Variants in FAM234A observed in about 807,000 individuals in gnomAD.
FAM234A encodes protein FAM234A.
A neutral mutation model predicts 49.1 loss-of-function variants in FAM234A; 42 were observed. The observed-to-expected ratio is 0.86, with a 90% CI of 0.67 to 1.11. The LOEUF is 1.11. FAM234A is among the 50% of genes least tolerant of loss of function. The pLI is 0.00. For synonymous variants in FAM234A, 369 were observed against 316.2 expected (o/e 1.17, Z -1.77); for missense variants, 815 against 745.2 (o/e 1.09, Z -1.09).
Position 263,755 on chromosome 16 carries a change from G to A in FAM234A, c.1168G>A (p.Gly390Arg), listed in dbSNP as rs773934628. ...PDTLAVAVEN[G>R]TGTDRQILFL... ...CACCTTGGCTGTAGCCGTTGAAAAC[G>A]GAACTGGCACCGACAGACAGGTTCG... is the stretch of plus-strand genomic sequence containing the variant. The change falls in exon 10 of 13, where the codon GGA (glycine) becomes AGA (arginine). Residue 390 changes from glycine (G) to arginine (R), a missense_variant. Physicochemically the swap from Gly to Arg is moderately radical, Grantham distance 125. Transcript: ENST00000399932. 9.9e-6 allele frequency: 16 copies of A among 1,613,740 alleles called. No homozygotes were observed. Among genetic ancestry groups the A allele is most frequent in the Middle Eastern group, 1.6e-4 (1 of 6,084 alleles).
At chr16:267,350 TG>T (rs1387280478), downstream of FAM234A, among the ~76,000 whole-genome samples, 1 of 152,102 alleles carries the variant, frequency 6.6e-6, no homozygotes, top group African/African-American at 2.4e-5. Context: ...GTCTGCTGCC[TG>T]GGTCTGAGAG....
chr16:240,463 C>G (rs2050571002), intron 1 of FAM234A, among the ~76,000 whole-genome samples: 1 of 151,354 alleles, frequency 6.6e-6, no homozygotes, highest in East Asian at 1.9e-4. Context: ...GGGGGTCACC[C>G]CAAACTTATT....
At chr16:242,928 C>T (rs1256095875) in intron 1 of FAM234A, among the ~76,000 whole-genome samples, 1 of 151,672 alleles carries the variant, frequency 6.6e-6, no homozygotes, top group Non-Finnish European at 1.5e-5. Flanking sequence ...AGGTCTTTTA[C>T]CTTAATTAAT....
At chr16:255,675 T>A (rs2051203222) in intron 3 of FAM234A, among the ~76,000 whole-genome samples, 1 of 152,150 alleles carries the variant, frequency 6.6e-6, no homozygotes, top group African/African-American at 2.4e-5. Flanking sequence ...AGTCTTTTTA[T>A]TTTTTTAGAC....
At chr16:268,967 G>C (rs779102377), downstream of FAM234A, 1 of 1,546,022 alleles carries the variant, frequency 6.5e-7, no homozygotes, top group Non-Finnish European at 8.7e-7. Flanking sequence ...GACCAGAGAA[G>C]GTGGAGCTCC....
chr16:241,697 C>T (rs1376730400), intron 1 of FAM234A, among the ~76,000 whole-genome samples: 2 of 151,994 alleles, frequency 1.3e-5, no homozygotes, highest in Non-Finnish European at 2.9e-5. Context: ...GCGGGCGGAT[C>T]ACGAGGTCAG....
chr16:246,674 C>G (rs1483290804), intron 1 of FAM234A, among the ~76,000 whole-genome samples: 2 of 151,184 alleles, frequency 1.3e-5, no homozygotes, highest in African/African-American at 2.4e-5. Context: ...CCGCTTTGGC[C>G]TCCTAAAGTG....
intron 1 of FAM234A, chr16:240,199 A>G (rs2050561431): frequency 1.3e-5 from 2 of 152,092 alleles, no homozygotes; most frequent in African/African-American, 4.8e-5. Context: ...TTTGGGGACA[A>G]GCATTTGGGC....
intron 1 of FAM234A, among the ~76,000 whole-genome samples, chr16:238,801 C>G (rs2142202636): frequency 7.1e-6 from 1 of 141,378 alleles, no homozygotes; most frequent in South Asian, 2.3e-4. Context: ...AAAAAAATCC[C>G]TGGCTGGGCG....
chr16:252,245 G>A (rs1258079713), intron 2 of FAM234A, among the ~76,000 whole-genome samples: 26 of 146,284 alleles, frequency 1.8e-4, no homozygotes, highest in African/African-American at 4.3e-4. Context: ...GCAGTGGCGC[G>A]ATCTTGGCTC....
chr16:245,043 G>A (rs147855993), intron 1 of FAM234A, among the ~76,000 whole-genome samples: 3 of 151,738 alleles, frequency 2.0e-5, no homozygotes, highest in Admixed American at 2.0e-4. Flanking sequence ...ACCTGTTATC[G>A]TATATTCTCA....
At position 264,239 on chromosome 16, in the gene FAM234A, C is replaced by T. The variant is rs913235487; in HGVS notation, c.1344+68C>T. 2.8e-5 allele frequency: 41 copies of T among 1,461,758 alleles called. No individual in the cohort carries two copies. In the African/African-American group the frequency reaches 4.3e-4, roughly 15 times the overall value. The allele number at this position is 1,461,758 out of a possible 1,614,324, so 90.5% of individuals were successfully genotyped here. On this transcript the variant is annotated intron_variant, in intron 11 of 12. Coordinates refer to ENST00000399932, the MANE Select transcript of FAM234A (RefSeq NM_032039.4). ...CCAGAGACCCAGGCTGGAGCTCCAC[C>T]GTGGAGTGCCCAGAAGCTCATCGGT...
At chr16:249,183 G>T (rs2050913414) in intron 1 of FAM234A, among the ~76,000 whole-genome samples, 1 of 151,936 alleles carries the variant, frequency 6.6e-6, no homozygotes, top group Non-Finnish European at 1.5e-5. Flanking sequence ...CCTTTGCCTT[G>T]CTTGCTTCCA....
At chr16:259,413 G>C (rs201005851) in intron 3 of FAM234A, 70 bp from the exon 4 acceptor site, 2 of 871,956 alleles carry the variant, frequency 2.3e-6, no homozygotes, top group East Asian at 4.8e-5. Flanking sequence ...GAAGTAGGTC[G>C]TGCTGGACCT....
At chr16:261,324 G>C in intron 5 of FAM234A, 60 bp from the exon 6 acceptor site, 1 of 1,574,338 alleles carries the variant, frequency 6.4e-7, no homozygotes, top group Non-Finnish European at 8.7e-7. Context: ...CCTTGCAGTT[G>C]CCGGGCTGCT....
intron 10 of FAM234A, 36 bp downstream of exon 10, chr16:263,811 T>C: frequency 6.4e-7 from 1 of 1,557,862 alleles, no homozygotes; most frequent in Non-Finnish European, 8.9e-7. Flanking sequence ...GCACCTTTGT[T>C]CTTAGCTGAG....
chr16:247,672 C>A (rs2858006), intron 1 of FAM234A, among the ~76,000 whole-genome samples: 57,251 of 151,824 alleles, frequency 0.38, 13,950 homozygotes, highest in African/African-American at 0.66. Context: ...ACCTCAGGTA[C>A]TCCGCCTGCC....
At chr16:239,614 CAAAA>C (rs534376069) in intron 1 of FAM234A, among the ~76,000 whole-genome samples, 2 of 102,348 alleles carry the variant, frequency 2.0e-5, no homozygotes, top group South Asian at 3.1e-4. Flanking sequence ...GGCCCCGTCT[CAAAA>C]AAAAAAAAAA....
At chr16:266,217 G>T, downstream of FAM234A, 1 of 585,588 alleles carries the variant, frequency 1.7e-6, no homozygotes, top group Non-Finnish European at 2.2e-6. Context: ...CCTGGGTCAG[G>T]GTGGGGAGGG....
Sources: gnomAD v4.1 joint callset for allele counts (sites outside exome capture counted in the v4.1 genomes callset) on GRCh38, gnomAD v4.1.1 for gene constraint, MANE v1.5 for transcripts, NCBI Gene and HGNC (gene_info 2026-07-23, HGNC 2026-07-21) for gene names.